ELMO1: variants seen among roughly 807,000 people sequenced by gnomAD.
ELMO1 encodes engulfment and cell motility protein 1.
A neutral mutation model predicts 98.9 loss-of-function variants in ELMO1; 26 were observed. That is an observed-to-expected ratio of 0.26 (90% CI 0.19 to 0.36). ELMO1 has a LOEUF of 0.36. ELMO1 is among the 10% of genes least tolerant of loss of function. The pLI, the probability that ELMO1 is intolerant of heterozygous loss-of-function variation, is 1.00. For synonymous variants in ELMO1, 346 were observed against 346.0 expected, an observed-to-expected ratio of 1.00 and a Z score of 0.00; for missense variants, 627 against 935.2, an observed-to-expected ratio of 0.67 and a Z score of 4.30.
intron 10 of ELMO1, among the ~76,000 whole-genome samples, chr7:37,218,485 G>C (rs560355781): frequency 1.3e-5 from 2 of 152,094 alleles, no homozygotes; most frequent in South Asian, 4.2e-4. Flanking sequence ...ACAGCAGCTT[G>C]GTCAAAGAGA....
intron 1 of ELMO1, among the ~76,000 whole-genome samples, chr7:37,346,422 CA>C (rs1361016396): frequency 1.3e-5 from 2 of 152,158 alleles, no homozygotes; most frequent in African/African-American, 2.4e-5. Flanking sequence ...TTATAATTCT[CA>C]AAACTTGAAA....
At chr7:37,138,641 A>C (rs1787420803) in intron 13 of ELMO1, among the ~76,000 whole-genome samples, 1 of 152,214 alleles carries the variant, frequency 6.6e-6, no homozygotes, top group Non-Finnish European at 1.5e-5. Flanking sequence ...ATTCTATCAG[A>C]CATTCAAGTA....
chr7:37,266,161 G>A (rs1021903552), intron 5 of ELMO1, among the ~76,000 whole-genome samples: 2 of 152,078 alleles, frequency 1.3e-5, no homozygotes, highest in Middle Eastern at 3.2e-3. Context: ...AAGCTAGGCC[G>A]CTGAGAGTGA....
At chr7:37,384,553 T>C (rs1012810323) in intron 1 of ELMO1, among the ~76,000 whole-genome samples, 1 of 152,072 alleles carries the variant, frequency 6.6e-6, no homozygotes, top group Non-Finnish European at 1.5e-5. Flanking sequence ...ACCCCGTCTC[T>C]ACTAAAAATA....
intron 1 of ELMO1, among the ~76,000 whole-genome samples, chr7:37,356,311 T>C (rs1167022582): frequency 3.3e-5 from 5 of 152,198 alleles, no homozygotes; most frequent in African/African-American, 1.2e-4. Context: ...CCTTTGGGTA[T>C]ATACTCAGTA....
intron 16 of ELMO1, among the ~76,000 whole-genome samples, chr7:36,964,786 G>C (rs528749112): frequency 6.6e-6 from 1 of 152,148 alleles, no homozygotes; most frequent in Non-Finnish European, 1.5e-5. Context: ...CAACGCATAC[G>C]TGAGTTACCA....
intron 15 of ELMO1, among the ~76,000 whole-genome samples, chr7:37,091,948 G>C (rs767391163): frequency 3.8e-4 from 57 of 151,992 alleles, no homozygotes; most frequent in Non-Finnish European, 6.3e-4. Flanking sequence ...TCTCCCACTG[G>C]GTCCCTCCTA....
rs1795474952 is a variant in ELMO1, at chr7:37,253,612, G to A, written c.413+5569C>T. Among the ~76,000 whole-genome samples the A allele has an allele frequency of 1.3e-5, 2 of 151,302 alleles. 1 individual carries two copies. The highest frequency in any genetic ancestry group is 1.3e-4 in the Admixed American group (2 of 15,126). On this transcript the variant is annotated intron_variant, in intron 6 of 21. Transcript: ENST00000310758. ...GGCTAGGGTAGGGATAACATTAGGA[G>A]AAATACCTAATGCAGATGACGGGTT... is the stretch of plus-strand genomic sequence containing the variant.
At chr7:37,213,584 G>T in intron 11 of ELMO1, 127 bp from the exon 12 acceptor site, 1 of 778,970 alleles carries the variant, frequency 1.3e-6, no homozygotes, top group Non-Finnish European at 1.9e-6. Flanking sequence ...GAAGGTGAGG[G>T]CACAGGGAAT....
At chr7:37,403,391 C>T (rs1331694360) in intron 1 of ELMO1, among the ~76,000 whole-genome samples, 1 of 152,040 alleles carries the variant, frequency 6.6e-6, no homozygotes, top group Non-Finnish European at 1.5e-5. Flanking sequence ...ATCCCCCCAA[C>T]TCTGAAAAAA....
At chr7:37,132,880 A>C (rs925426505) in intron 14 of ELMO1, 1 of 288,982 alleles carries the variant, frequency 3.5e-6, no homozygotes, top group African/African-American at 2.2e-5. Flanking sequence ...ATATTGGACT[A>C]TATGAAATGT....
chr7:36,917,778 A>G (rs974125622), intron 16 of ELMO1, among the ~76,000 whole-genome samples: 1 of 152,224 alleles, frequency 6.6e-6, no homozygotes, highest in Non-Finnish European at 1.5e-5. Context: ...AAGGTCCCCA[A>G]GGGTCACAAA....
chr7:37,139,066 G>C (rs984606700), intron 13 of ELMO1, among the ~76,000 whole-genome samples: 1 of 152,102 alleles, frequency 6.6e-6, no homozygotes, highest in African/African-American at 2.4e-5. Flanking sequence ...GCATAGAAGG[G>C]ATATACCTTA....
intron 15 of ELMO1, among the ~76,000 whole-genome samples, chr7:37,030,591 C>T (rs1484276268): frequency 6.6e-6 from 1 of 152,098 alleles, no homozygotes; most frequent in Non-Finnish European, 1.5e-5. Context: ...TGAATGGCTT[C>T]AAAATTATTT....
intron 15 of ELMO1, among the ~76,000 whole-genome samples, chr7:37,052,836 A>G (rs751071872): frequency 9.9e-5 from 15 of 152,192 alleles, no homozygotes; most frequent in Non-Finnish European, 1.5e-4. Context: ...GGAAGCCCAA[A>G]GGCCCAGCCT....
At chr7:37,127,152 A>G (rs2129293899) in intron 14 of ELMO1, among the ~76,000 whole-genome samples, 1 of 152,304 alleles carries the variant, frequency 6.6e-6, no homozygotes, top group South Asian at 2.1e-4. Flanking sequence ...GAAACTAAAG[A>G]CTATCTCTGA....
intron 5 of ELMO1, among the ~76,000 whole-genome samples, chr7:37,262,320 T>C (rs549375224): frequency 6.6e-6 from 1 of 152,304 alleles, no homozygotes; most frequent in East Asian, 1.9e-4. Context: ...GAAAATATTT[T>C]ACCAAGATGG....
chr7:37,254,577 G>A (rs1795539909), intron 6 of ELMO1, among the ~76,000 whole-genome samples: 1 of 152,266 alleles, frequency 6.6e-6, no homozygotes, highest in African/African-American at 2.4e-5. Flanking sequence ...CATGTTACTA[G>A]GCTGAGTAGT....
intron 15 of ELMO1, among the ~76,000 whole-genome samples, chr7:37,073,395 T>C (rs187464905): frequency 2.6e-5 from 4 of 152,322 alleles, no homozygotes; most frequent in Admixed American, 1.3e-4. Flanking sequence ...AATGTGAGGA[T>C]ACAAATATAG....
Sources: allele counts gnomAD v4.1 joint callset (sites outside exome capture counted in the v4.1 genomes callset), GRCh38; gene constraint gnomAD v4.1.1; transcripts MANE v1.5; gene names NCBI Gene and HGNC (gene_info 2026-07-23, HGNC 2026-07-21).